Variants in GRM8 observed in about 807,000 individuals in gnomAD.
The protein encoded by GRM8 is glutamate metabotropic receptor 8.
A neutral mutation model predicts 87.2 loss-of-function variants in GRM8; 47 were observed. The ratio of observed to expected loss-of-function variants is 0.54; its 90% CI spans 0.43 to 0.69. The LOEUF (loss-of-function observed/expected upper bound fraction) is 0.69, where lower values mean the gene tolerates loss of function less well. GRM8 is among the 30% of genes least tolerant of loss of function. The pLI, the probability that GRM8 is intolerant of heterozygous loss-of-function variation, is 0.00. For synonymous variants in GRM8, 396 were observed against 404.5 expected, an observed-to-expected ratio of 0.98 and a Z score of 0.25; for missense variants, 1,019 against 1,139.2, an observed-to-expected ratio of 0.89 and a Z score of 1.52.
intron 2 of GRM8, among the ~76,000 whole-genome samples, chr7:127,195,196 C>A (rs1006564473): frequency 2.0e-5 from 3 of 152,074 alleles, no homozygotes; most frequent in Non-Finnish European, 4.4e-5. Context: ...ACTATCTATT[C>A]TTTAAAATTA....
At chr7:126,498,364 G>A (rs1584828207) in intron 9 of GRM8, among the ~76,000 whole-genome samples, 1 of 151,932 alleles carries the variant, frequency 6.6e-6, no homozygotes, top group East Asian at 1.9e-4. Context: ...CCAAAGAGAG[G>A]CATAAGCTCT....
intron 2 of GRM8, among the ~76,000 whole-genome samples, chr7:127,112,008 G>A (rs1318766375): frequency 7.5e-6 from 1 of 134,004 alleles, no homozygotes; most frequent in Admixed American, 7.9e-5. Context: ...TGGGCACCAA[G>A]AGCAAAACTC....
chr7:126,696,245 G>A (rs1809361303), intron 7 of GRM8, among the ~76,000 whole-genome samples: 1 of 152,156 alleles, frequency 6.6e-6, no homozygotes, highest in African/African-American at 2.4e-5. Context: ...TTTTAAGTCT[G>A]GGATACATAA....
intron 6 of GRM8, among the ~76,000 whole-genome samples, chr7:126,850,890 G>A (rs1259502839): frequency 6.6e-6 from 1 of 152,158 alleles, no homozygotes; most frequent in Non-Finnish European, 1.5e-5. Context: ...GCAGGCTCCT[G>A]AATGTCAGGG....
At chr7:126,779,784 A>G (rs1278934825) in intron 6 of GRM8, among the ~76,000 whole-genome samples, 2 of 152,046 alleles carry the variant, frequency 1.3e-5, no homozygotes, top group African/African-American at 4.8e-5. Flanking sequence ...TTTTTCTCTC[A>G]TTTAAATTCT....
At chr7:126,745,265 C>T (rs1046219607) in intron 7 of GRM8, among the ~76,000 whole-genome samples, 3 of 151,600 alleles carry the variant, frequency 2.0e-5, no homozygotes, top group African/African-American at 7.2e-5. Flanking sequence ...ATTCAATGAT[C>T]TTCATGTCAT....
chr7:126,799,230 C>G (rs1822354822), intron 6 of GRM8, among the ~76,000 whole-genome samples: 1 of 152,042 alleles, frequency 6.6e-6, no homozygotes, highest in Admixed American at 6.6e-5. Context: ...TGACAAGATC[C>G]CCATAGGATT....
intron 3 of GRM8, among the ~76,000 whole-genome samples, chr7:126,960,007 G>A (rs532140415): frequency 6.6e-6 from 1 of 152,150 alleles, no homozygotes; most frequent in South Asian, 2.1e-4. Flanking sequence ...AGAAAGGGTA[G>A]AATTTATTAT....
rs546188889 is a variant in GRM8, at chr7:127,217,946, C to T, written c.510+24749G>A. ...CCTCTGGCCAGTCTGAAGTCCACCG[C>T]TCCATATCACTGAAAGCCCTTCTTT... On this transcript the variant is annotated intron_variant, in intron 2 of 10. Transcript: ENST00000339582. Among the ~76,000 whole-genome samples, 90 of 152,322 alleles carry T rather than the reference C, an allele frequency of 5.9e-4. 3 individuals carry two copies. In the South Asian group the frequency reaches 0.011, roughly 18 times the overall value.
intron 6 of GRM8, among the ~76,000 whole-genome samples, chr7:126,860,863 C>T (rs1798081262): frequency 6.6e-6 from 1 of 151,880 alleles, no homozygotes; most frequent in African/African-American, 2.4e-5. Context: ...TGTTCTGTTG[C>T]TTTTCTGGAA....
At chr7:126,483,774 T>G (rs1807030768) in intron 9 of GRM8, among the ~76,000 whole-genome samples, 2 of 51,820 alleles carry the variant, frequency 3.9e-5, no homozygotes, top group Non-Finnish European at 7.2e-5. Flanking sequence ...CCTCCCTCCC[T>G]TCCTCCCCTC....
At chr7:126,721,805 A>G (rs1812418432) in intron 7 of GRM8, among the ~76,000 whole-genome samples, 1 of 151,908 alleles carries the variant, frequency 6.6e-6, no homozygotes, top group Non-Finnish European at 1.5e-5. Context: ...CCATTCTCCA[A>G]CTTTGCAAGG....
At chr7:126,918,125 C>T (rs752718529) in intron 3 of GRM8, among the ~76,000 whole-genome samples, 5 of 152,032 alleles carry the variant, frequency 3.3e-5, no homozygotes, top group Non-Finnish European at 7.4e-5. Context: ...GACAAAAGAC[C>T]AAGAAAATGG....
intron 7 of GRM8, among the ~76,000 whole-genome samples, chr7:126,614,562 G>A (rs1323222121): frequency 3.9e-5 from 6 of 152,058 alleles, no homozygotes; most frequent in African/African-American, 1.4e-4. Context: ...GGCTTCAGAT[G>A]ATCAAACTTC....
chr7:127,056,700 A>T (rs1439072669), intron 3 of GRM8, among the ~76,000 whole-genome samples: 1 of 152,218 alleles, frequency 6.6e-6, no homozygotes, highest in Admixed American at 6.5e-5. Flanking sequence ...ATAAAGAATT[A>T]CTTTGCTTGT....
At chr7:127,151,825 A>C (rs1828875350) in intron 2 of GRM8, among the ~76,000 whole-genome samples, 1 of 152,062 alleles carries the variant, frequency 6.6e-6, no homozygotes, top group Non-Finnish European at 1.5e-5. Flanking sequence ...AGAAAGCTAG[A>C]TGTTACACTT....
intron 3 of GRM8, among the ~76,000 whole-genome samples, chr7:126,934,490 C>A (rs1413019495): frequency 6.6e-6 from 1 of 152,114 alleles, no homozygotes; most frequent in Non-Finnish European, 1.5e-5. Context: ...CTTCAAATGA[C>A]TGGCAATATT....
chr7:126,745,162 T>C (rs1815499388), intron 7 of GRM8, among the ~76,000 whole-genome samples: 1 of 151,682 alleles, frequency 6.6e-6, no homozygotes, highest in Non-Finnish European at 1.5e-5. Flanking sequence ...AGAATTTATA[T>C]GTTAGGATTC....
chr7:127,245,125 G>C (rs1431326589), intron 1 of GRM8, among the ~76,000 whole-genome samples: 1 of 152,232 alleles, frequency 6.6e-6, no homozygotes, highest in Non-Finnish European at 1.5e-5. Flanking sequence ...GAAACACTCA[G>C]AAAGTCAACC....
Sources: allele counts gnomAD v4.1 joint callset (sites outside exome capture counted in the v4.1 genomes callset), GRCh38; gene constraint gnomAD v4.1.1; transcripts MANE v1.5; gene names NCBI Gene and HGNC (gene_info 2026-07-23, HGNC 2026-07-21).